NOS3: variants seen among roughly 807,000 people sequenced by gnomAD.
NOS3 encodes nitric oxide synthase 3.
A neutral mutation model predicts 144.9 loss-of-function variants in NOS3; 98 were observed. That is an observed-to-expected ratio of 0.68 (90% confidence interval 0.57 to 0.80). The LOEUF is 0.80. NOS3 is among the 30% of genes least tolerant of loss of function. The pLI is 0.00. For missense variants in NOS3, 1,465 were observed against 1,656.4 expected, an observed-to-expected ratio of 0.88 and a Z score of 2.01; for synonymous variants, 714 against 702.4, an observed-to-expected ratio of 1.02 and a Z score of -0.26.
intron 15 of NOS3, 112 bp from the exon 16 acceptor site, chr7:151,006,777 G>A: frequency 2.2e-6 from 2 of 891,420 alleles, no homozygotes; most frequent in Non-Finnish European, 1.8e-6. Flanking sequence ...CAAGGGCAGG[G>A]CCTTTCCTGT....
Position 151,002,254 on chromosome 7 carries a change from C to G in NOS3, c.1702C>G (p.Leu568Val), listed in dbSNP as rs770284805. ...VVSLEHETLVLVVTSTFGNGD... is the reference protein window; with the variant it reads ...VVSLEHETLVVVVTSTFGNGD... ...GTCCCTCGAACACGAGACGCTGGTG[C>G]TGGTGGTAACCAGCACATTTGGGAA... The change falls in exon 14 of 27, where the codon CTG (leucine) becomes GTG (valine). Residue 568 changes from leucine to valine, a missense_variant. By Grantham distance (32) the Leu-to-Val change is conservative. Around this residue, in one of 5 missense-constraint regions of NOS3, gnomAD observed 745 missense variants for 853.9 expected, o/e 0.87. Coordinates refer to ENST00000297494, the MANE Select transcript of NOS3 (RefSeq NM_000603.5). This position sits in a 1 kb window ranked among gnomAD's most constrained non-coding sequence, Gnocchi z 4.1. 1 of 1,601,326 alleles carries G rather than the reference C, an allele frequency of 6.2e-7. No homozygotes were observed. The highest frequency in any genetic ancestry group is 1.3e-5 in the African/African-American group (1 of 74,890).
Position 150,996,749 on chromosome 7 carries a change from C to A in NOS3, c.420-14C>A, listed in dbSNP as rs1457921273. On this transcript the variant is annotated splice_polypyrimidine_tract_variant and intron_variant, in intron 4 of 26. Coordinates refer to ENST00000297494, the MANE Select transcript of NOS3 (RefSeq NM_000603.5). ...ACTTCCTGCTTGTCCCCTTCCCACCCCTCTCCTCCCCAGGAGCGGCTCCCA... is the reference window on the plus strand; with the variant it reads ...ACTTCCTGCTTGTCCCCTTCCCACCACTCTCCTCCCCAGGAGCGGCTCCCA... 1.2e-6 allele frequency: 2 copies of A among 1,611,122 alleles called. No individual in the cohort carries two copies. The highest frequency in any genetic ancestry group is 1.7e-6 in the Non-Finnish European group (2 of 1,179,400).
intron 25 of NOS3, 94 bp from the exon 26 acceptor site, chr7:151,013,630 C>A: frequency 7.9e-7 from 1 of 1,261,756 alleles, no homozygotes; most frequent in Admixed American, 2.5e-5. Context: ...AGGCCCGCTC[C>A]GGAGACTTTC....
intron 9 of NOS3, 124 bp downstream of exon 9, chr7:150,999,488 A>G (rs1795026187): frequency 2.9e-6 from 3 of 1,030,254 alleles, no homozygotes; most frequent in Non-Finnish European, 4.2e-6. Context: ...TGCCTCCTAA[A>G]TGGGAACTGA....
Position 151,003,076 on chromosome 7 carries a change from G to T in NOS3, c.1752+772G>T. The T allele has an allele frequency of 2.5e-6, 1 of 401,508 alleles. No homozygotes were observed. The highest frequency in any genetic ancestry group is 4.9e-6 in the Non-Finnish European group (1 of 202,260). The allele number at this position is 401,508 out of a possible 1,614,324, so 24.9% of individuals were successfully genotyped here. On this transcript the variant is annotated intron_variant, in intron 14 of 26. Coordinates refer to ENST00000297494, the MANE Select transcript of NOS3 (RefSeq NM_000603.5). This position sits in a 1 kb window ranked among gnomAD's most constrained non-coding sequence, Gnocchi z 4.1. ...TCATTTCTGAGTCTTACCTGCTCCAGCTTCTAGGTGTTAAAGGCCTTATTA... is the reference window on the plus strand; with the variant it reads ...TCATTTCTGAGTCTTACCTGCTCCATCTTCTAGGTGTTAAAGGCCTTATTA...
chr7:151,012,134 C>T, intron 23 of NOS3: 1 of 512,678 alleles, frequency 2.0e-6, no homozygotes, highest in Non-Finnish European at 3.5e-6. Flanking sequence ...AAGTATTCTT[C>T]AATCCAAAAT....
Position 151,013,998 on chromosome 7 carries a change from T to C in NOS3, c.3451-10T>C. Reference sequence around the variant, plus strand: ...GTCGGGTTCTGATCCACTGTGCTCTTTTCCGACAGGATCAGCAACGCTACC... The same window carrying C: ...GTCGGGTTCTGATCCACTGTGCTCTCTTCCGACAGGATCAGCAACGCTACC... On this transcript the variant is annotated splice_polypyrimidine_tract_variant and intron_variant, in intron 26 of 26. Transcript: ENST00000297494. The C allele has an allele frequency of 6.2e-7, 1 of 1,611,682 alleles. No individual in the cohort carries two copies. Among genetic ancestry groups the C allele is most frequent in the Non-Finnish European group, 8.5e-7 (1 of 1,178,384 alleles).
intron 16 of NOS3, 47 bp downstream of exon 16, chr7:151,007,052 G>A: frequency 6.2e-7 from 1 of 1,613,996 alleles, no homozygotes; most frequent in Non-Finnish European, 8.5e-7. Flanking sequence ...AAGCTGCCTG[G>A]GCAAACGTGG....
chr7:151,006,877 C>T lies in NOS3; in HGVS notation c.1821-12C>T. On this transcript the variant is annotated splice_polypyrimidine_tract_variant and intron_variant, in intron 15 of 26. Coordinates refer to ENST00000297494, the MANE Select transcript of NOS3 (RefSeq NM_000603.5). The stretch of plus-strand genomic sequence containing the variant: ...GCCCTGTGACAACCTTGTCTTTGTC[C>T]TCTCTTGCCAGGAGTTATAAGATCC... 1.9e-5 allele frequency: 30 copies of T among 1,605,308 alleles called. No homozygotes were observed. The highest frequency in any genetic ancestry group is 2.5e-5 in the Non-Finnish European group (29 of 1,172,378).
chr7:150,999,031 A>T lies in NOS3; in HGVS notation c.902A>T (p.Glu301Val). 1 of 1,612,504 alleles carries T rather than the reference A, an allele frequency of 6.2e-7. No homozygotes were observed. The highest frequency in any genetic ancestry group is 8.5e-7 in the Non-Finnish European group (1 of 1,179,866). The change falls in exon 8 of 27, where the codon GAA becomes GTA. Residue 301 changes from glutamate to valine, a missense_variant. Physicochemically the swap from Glu to Val is moderately radical, Grantham distance 121. Around this residue, in one of 5 missense-constraint regions of NOS3, gnomAD observed 745 missense variants for 853.9 expected, o/e 0.87. Coordinates refer to ENST00000297494, the MANE Select transcript of NOS3 (RefSeq NM_000603.5). ...CTGCAGGCCCCAGATGATCCCCCAG[A>T]ACTCTTCCTTCTGCCCCCCGAGCTG... ...LLLQAPDDPPELFLLPPELVL... is the reference protein window; with the variant it reads ...LLLQAPDDPPVLFLLPPELVL...
At chr7:151,004,440 T>C (rs911744743) in intron 14 of NOS3, among the ~76,000 whole-genome samples, 2 of 152,244 alleles carry the variant, frequency 1.3e-5, no homozygotes, top group African/African-American at 4.8e-5. Flanking sequence ...TATCCCAAAT[T>C]TTTAACAAAT....
Position 150,998,607 on chromosome 7 carries a change from TG to T in NOS3, c.745del (p.Val249CysfsTer110). 6.2e-7 allele frequency: 1 copy of T among 1,609,096 alleles called. No individual in the cohort carries two copies. Among genetic ancestry groups the T allele is most frequent in the Non-Finnish European group, 8.5e-7 (1 of 1,178,798 alleles). On this transcript the variant is annotated frameshift_variant, in exon 7 of 27. Transcript: ENST00000297494. LOFTEE classifies it high-confidence loss of function. The surrounding 1 kb of genome is among the most constrained non-coding windows in gnomAD (Gnocchi z 5.0). ...RGDFRIWNSQ[L>X]VRYAGYRQQD... is the part of the protein sequence containing the mutation. Reference sequence around the variant, plus strand: ...GACTTCCGAATCTGGAACAGCCAGCTGGTGCGCTACGCGGGCTACCGGCAGC... The same window carrying T: ...GACTTCCGAATCTGGAACAGCCAGCTGTGCGCTACGCGGGCTACCGGCAGC...
intron 1 of NOS3, among the ~76,000 whole-genome samples, chr7:150,991,974 C>T (rs1285818378): frequency 6.9e-6 from 1 of 144,718 alleles, no homozygotes; most frequent in Admixed American, 7.0e-5. Context: ...CCAGCCTGGA[C>T]AACAAAAGCG....
At position 151,013,919 on chromosome 7, in the gene NOS3, G is replaced by A. The variant is rs749487829; in HGVS notation, c.3450+1G>A. 3 of 1,599,318 alleles carry A rather than the reference G, an allele frequency of 1.9e-6. No individual in the cohort carries two copies. In the African/African-American group the frequency reaches 4.0e-5, roughly 21 times the overall value. On this transcript the variant is annotated splice_donor_variant, in intron 26 of 26. Coordinates refer to ENST00000297494, the MANE Select transcript of NOS3 (RefSeq NM_000603.5). LOFTEE classifies it high-confidence loss of function. ...CGGCGACGTCATCGGCGTGCTGCGGGTGCGGAGGGGCGGGCCGGGCCTGAG... is the reference window on the plus strand; with the variant it reads ...CGGCGACGTCATCGGCGTGCTGCGGATGCGGAGGGGCGGGCCGGGCCTGAG...
chr7:151,013,705 T>C lies in NOS3; in HGVS notation c.3256-19T>C, dbSNP rs1377112936. The C allele has an allele frequency of 8.8e-6, 11 of 1,247,056 alleles. No homozygotes were observed. The allele number at this position is 1,247,056 out of a possible 1,614,324, so 77.2% of individuals were successfully genotyped here. ...CGCCCACCCCCACCAGGGCCCGCCC[T>C]AACCCCGCCGCCCCGCAGACCTACG... On this transcript the variant is annotated intron_variant, in intron 25 of 26. Transcript: ENST00000297494.
rs1336090410 is a variant in NOS3 at position 150,999,313 on chromosome 7, T to C, written c.1080T>C (p.Thr360=). 12 of 1,608,404 alleles carry C rather than the reference T, an allele frequency of 7.5e-6. No individual in the cohort carries two copies. The highest frequency in any genetic ancestry group is 1.3e-5 in the African/African-American group (1 of 74,792). Residue 360 remains threonine (T), a synonymous_variant, in exon 9 of 27, where the codon ACT becomes ACC. Coordinates refer to ENST00000297494, the MANE Select transcript of NOS3 (RefSeq NM_000603.5). ...AAPFSGWYMS[T]EIGTRNLCDP... ...CCTTCAGTGGCTGGTACATGAGCAC[T>C]GAGATCGGCACGAGGAACCTGTGTG...
At chr7:150,992,914 T>C (rs1241789957) in intron 1 of NOS3, among the ~76,000 whole-genome samples, 1 of 152,110 alleles carries the variant, frequency 6.6e-6, no homozygotes, top group Non-Finnish European at 1.5e-5. Context: ...AGTGCTGGTG[T>C]ACCCCACCTG....
chr7:151,013,169 G>T, intron 24 of NOS3, 62 bp from the exon 25 acceptor site: 1 of 1,549,132 alleles, frequency 6.5e-7, no homozygotes, highest in South Asian at 1.2e-5. Flanking sequence ...GTGGCCTGTG[G>T]GGAGGCCCCA....
chr7:151,006,935 G>T lies in NOS3; in HGVS notation c.1867G>T (p.Val623Leu), dbSNP rs1300762575. The T allele has an allele frequency of 6.2e-7, 1 of 1,614,056 alleles. No homozygotes were observed. Among genetic ancestry groups the T allele is most frequent in the Admixed American group, 1.7e-5 (1 of 60,010 alleles). Residue 623 changes from valine to leucine, a missense_variant, in exon 16 of 27, where the codon GTG becomes TTG. Around this residue, in one of 5 missense-constraint regions of NOS3, gnomAD observed 745 missense variants for 853.9 expected, o/e 0.87. Coordinates refer to ENST00000297494, the MANE Select transcript of NOS3 (RefSeq NM_000603.5). Reference protein sequence around the residue: ...FNSISCSDPLVSSWRRKRKES... With the variant: ...FNSISCSDPLLSSWRRKRKES... ...CAGCATCTCCTGCTCAGACCCACTG[G>T]TGTCCTCTTGGCGGCGGAAGAGGAA...
Sources: allele counts gnomAD v4.1 joint callset (sites outside exome capture counted in the v4.1 genomes callset), GRCh38; gene constraint gnomAD v4.1.1; regional missense constraint gnomAD v4.1.1; non-coding constraint Gnocchi (gnomAD v3.1); transcripts MANE v1.5; gene names NCBI Gene and HGNC (gene_info 2026-07-23, HGNC 2026-07-21).